Variants in TRIM13 observed in about 807,000 individuals in gnomAD.
TRIM13 encodes the protein E3 ubiquitin-protein ligase TRIM13.
Under a neutral mutation model 27.1 loss-of-function variants are expected in TRIM13, and 15 were observed. The observed-to-expected ratio is 0.55, with a 90% confidence interval of 0.37 to 0.85. The LOEUF is 0.85. TRIM13 is among the 40% of genes least tolerant of loss of function. The pLI, the probability that TRIM13 is intolerant of heterozygous loss-of-function variation, is 0.00. For missense variants in TRIM13, 402 were observed against 472.2 expected, an observed-to-expected ratio of 0.85 and a Z score of 1.38; for synonymous variants, 193 against 171.5, an observed-to-expected ratio of 1.13 and a Z score of -0.98.
Position 50,012,434 on chromosome 13 carries a change from A to G in TRIM13, c.494A>G (p.Glu165Gly). The change falls in exon 2 of 2, where the codon GAA becomes GGA. Residue 165 changes from glutamate to glycine, a missense_variant. Around this residue, in one of 2 missense-constraint regions of TRIM13, gnomAD observed 202 missense variants for 277.5 expected, o/e 0.73. Coordinates refer to ENST00000378182, the MANE Select transcript of TRIM13 (RefSeq NM_213590.3). ...GDALSRLDTL[E>G]TSKRKSLQLL... ...GCTCTTTCTCGCTTGGATACCTTGG[A>G]AACTAGTAAGAGGAAATCCCTACAG... 6.2e-7 allele frequency: 1 copy of G among 1,614,060 alleles called. No homozygotes were observed. Among genetic ancestry groups the G allele is most frequent in the Non-Finnish European group, 8.5e-7 (1 of 1,179,974 alleles).
At position 49,997,383 on chromosome 13, in the gene TRIM13, A is replaced by G. The variant is rs960757384; in HGVS notation, c.-387A>G. The G allele has an allele frequency of 1.3e-5, 2 of 152,250 alleles. No homozygotes were observed. Among genetic ancestry groups the G allele is most frequent in the African/African-American group, 4.8e-5 (2 of 41,400 alleles). The allele number at this position is 152,250 out of a possible 1,614,324, so 9.4% of individuals were successfully genotyped here. A position where few individuals can be genotyped will look rare whatever the true frequency, so the allele number is the denominator to read the frequency against. On this transcript the variant is annotated 5_prime_UTR_variant, in exon 1 of 2. Coordinates refer to ENST00000378182, the MANE Select transcript of TRIM13 (RefSeq NM_213590.3). ...GGTCCAGAAAACCTGCTCCGTCCGG[A>G]GCCTTCCTGGCCCCGCTACCAGCGT...
chr13:50,008,385 G>T (rs1386204622), intron 1 of TRIM13, among the ~76,000 whole-genome samples: 2 of 152,110 alleles, frequency 1.3e-5, no homozygotes, highest in Non-Finnish European at 2.9e-5. Context: ...TAAACTTGTG[G>T]CCTGATGCAG....
chr13:50,014,911 A>G lies in TRIM13; in HGVS notation c.*1747A>G, dbSNP rs1876180294. ...AAATGATTTCCTTCTAGCTATGAGA[A>G]TAGTCAAATTGAGCTTGCCAGGCTG... On this transcript the variant is annotated 3_prime_UTR_variant, in exon 2 of 2. Coordinates refer to ENST00000378182, the MANE Select transcript of TRIM13 (RefSeq NM_213590.3). 2 of 166,378 alleles carry G rather than the reference A, an allele frequency of 1.2e-5. No homozygotes were observed. Among genetic ancestry groups the G allele is most frequent in the Non-Finnish European group, 2.9e-5 (2 of 68,014 alleles). The allele number at this position is 166,378 out of a possible 1,614,324, so 10.3% of individuals were successfully genotyped here. A position where few individuals can be genotyped will look rare whatever the true frequency, so the allele number is the denominator to read the frequency against.
Position 50,013,886 on chromosome 13 carries a change from A to T in TRIM13, c.*722A>T. ...TTTGACAGTGAACATGGTCTAAAAA[A>T]GGGAAGATATTGTAGAAGATTTCAC... On this transcript the variant is annotated 3_prime_UTR_variant, in exon 2 of 2. Transcript: ENST00000378182. 1 of 166,948 alleles carries T rather than the reference A, an allele frequency of 6.0e-6. No homozygotes were observed. The allele number at this position is 166,948 out of a possible 1,614,324, so 10.3% of individuals were successfully genotyped here.
At chr13:50,004,791 A>G (rs1874467355) in intron 1 of TRIM13, among the ~76,000 whole-genome samples, 5 of 151,274 alleles carry the variant, frequency 3.3e-5, no homozygotes, top group Admixed American at 2.6e-4. Context: ...AAAAAAAAAA[A>G]AGGGCCAGGT....
At chr13:50,007,782 CAAAA>C (rs34741583) in intron 1 of TRIM13, among the ~76,000 whole-genome samples, 5 of 127,806 alleles carry the variant, frequency 3.9e-5, no homozygotes, top group East Asian at 2.7e-4. Context: ...GACTTAGTCT[CAAAA>C]AAAAAAAAAA....
chr13:50,015,092 AAAATATATATATATATATATATATATAT>A lies in TRIM13; in HGVS notation c.*1930_*1957del, dbSNP rs1368885617. On this transcript the variant is annotated 3_prime_UTR_variant, in exon 2 of 2. Transcript: ENST00000378182. ...CCCAGTAATAAAAAAAAAAAAAAAAAAAATATATATATATATATATATATATATATATATATATATATATATATATATA... is the reference window on the plus strand; with the variant it reads ...CCCAGTAATAAAAAAAAAAAAAAAAAATATATATATATATATATATATATA... 1.4e-3 allele frequency: 33 copies of A among 23,412 alleles called. 3 individuals are homozygous for A. The highest frequency in any genetic ancestry group is 4.0e-3 in the African/African-American group (24 of 5,954). 1.5% of individuals were successfully genotyped at this position (23,412 alleles called of 1,614,324 possible). A position where few individuals can be genotyped will look rare whatever the true frequency, so the allele number is the denominator to read the frequency against.
intron 1 of TRIM13, among the ~76,000 whole-genome samples, chr13:50,005,127 A>T (rs550728062): frequency 2.0e-5 from 3 of 152,142 alleles, no homozygotes; most frequent in Non-Finnish European, 4.4e-5. Flanking sequence ...GAGGGGATGT[A>T]TCCTTTTTTG....
rs1873358325 is a variant in TRIM13, at chr13:49,997,416, TCC to T, written c.-351_-350del. The T allele has an allele frequency of 6.6e-6, 1 of 152,036 alleles. No homozygotes were observed. The highest frequency in any genetic ancestry group is 2.4e-5 in the African/African-American group (1 of 41,400). The allele number at this position is 152,036 out of a possible 1,614,324, so 9.4% of individuals were successfully genotyped here. A position where few individuals can be genotyped will look rare whatever the true frequency, so the allele number is the denominator to read the frequency against. ...TGGCCCCGCTACCAGCGTCTCCACATCCCCTAGAAAAGAAAAGACGGGTGTGG... is the reference window on the plus strand; with the variant it reads ...TGGCCCCGCTACCAGCGTCTCCACATCCTAGAAAAGAAAAGACGGGTGTGG... On this transcript the variant is annotated 5_prime_UTR_variant, in exon 1 of 2. It removes the in-frame stop codon of an upstream open reading frame in the 5' UTR. Transcript: ENST00000378182.
At chr13:50,011,094 T>G (rs1199136771) in intron 1 of TRIM13, among the ~76,000 whole-genome samples, 1 of 152,230 alleles carries the variant, frequency 6.6e-6, no homozygotes, top group Non-Finnish European at 1.5e-5. Flanking sequence ...ATTCAGCGCT[T>G]CTTACAGCTT....
At position 50,013,006 on chromosome 13, in the gene TRIM13, T is replaced by C; in HGVS notation, c.1066T>C (p.Ser356Pro). The change falls in exon 2 of 2, where the codon TCC becomes CCC. Residue 356 changes from serine to proline, a missense_variant. Around this residue, in one of 2 missense-constraint regions of TRIM13, gnomAD observed 200 missense variants for 194.7 expected, o/e 1.03. Transcript: ENST00000378182. Reference protein sequence around the residue: ...TWKGCLSNFSSYLTKTADFIE... With the variant: ...TWKGCLSNFSPYLTKTADFIE... ...GAAAGGCTGTCTTTCAAACTTCAGT[T>C]CCTATCTGACTAAAACAGCCGATTT... is the stretch of plus-strand genomic sequence containing the variant. 8 of 1,613,976 alleles carry C rather than the reference T, an allele frequency of 5.0e-6. No homozygotes were observed. Among genetic ancestry groups the C allele is most frequent in the Non-Finnish European group, 6.8e-6 (8 of 1,179,968 alleles).
chr13:49,998,824 G>T (rs537498761), intron 1 of TRIM13, among the ~76,000 whole-genome samples: 29 of 151,630 alleles, frequency 1.9e-4, no homozygotes, highest in South Asian at 4.2e-4. Context: ...CCAGCTACTC[G>T]GGAGGCTGAG....
In TRIM13 at chr13:50,016,473, CACTA is replaced by C. The variant is rs1451569373; in HGVS notation, c.*3310_*3313del. The C allele has an allele frequency of 5.1e-6, 1 of 195,888 alleles. No homozygotes were observed. The highest frequency in any genetic ancestry group is 1.2e-5 in the Non-Finnish European group (1 of 86,374). The allele number at this position is 195,888 out of a possible 1,614,324, so 12.1% of individuals were successfully genotyped here. ...ACTGGTTTCTCTTGAGTTCCTTACA[CACTA>C]TATAAGTTGTTCTTTCAGTTTTATG... is the stretch of plus-strand genomic sequence containing the variant. On this transcript the variant is annotated 3_prime_UTR_variant, in exon 2 of 2. Transcript: ENST00000378182.
In TRIM13 at chr13:50,009,020, CAAAAAAA is replaced by C. The variant is rs35407149; in HGVS notation, c.-6-2898_-6-2892del. ...TCCAGCCTGGGTGAAAAAGCTGTCT[CAAAAAAA>C]AAAAAAAAAAAAAAAAGAGAATCCC... On this transcript the variant is annotated intron_variant, in intron 1 of 1. Transcript: ENST00000378182. 2.9e-3 allele frequency among the ~76,000 whole-genome samples: 194 copies of C among 68,066 alleles called. 3 individuals carry two copies. The highest frequency in any genetic ancestry group is 0.025 in the Admixed American group (135 of 5,448). 44.7% of individuals were successfully genotyped at this position (68,066 alleles called of 152,430 possible).
At chr13:50,008,543 C>T (rs1875115921) in intron 1 of TRIM13, among the ~76,000 whole-genome samples, 1 of 151,830 alleles carries the variant, frequency 6.6e-6, no homozygotes, top group Non-Finnish European at 1.5e-5. Flanking sequence ...GAATCTGAGG[C>T]AGGAGGATTG....
intron 1 of TRIM13, among the ~76,000 whole-genome samples, chr13:49,999,367 C>A (rs1395010992): frequency 6.6e-6 from 1 of 152,146 alleles, no homozygotes; most frequent in African/African-American, 2.4e-5. Context: ...AACCCGGAGA[C>A]CCTCTCTTGG....
At position 50,015,967 on chromosome 13, in the gene TRIM13, T is replaced by C. The variant is rs757391824; in HGVS notation, c.*2803T>C. 1 of 1,614,128 alleles carries C rather than the reference T, an allele frequency of 6.2e-7. No homozygotes were observed. On this transcript the variant is annotated 3_prime_UTR_variant, in exon 2 of 2. Transcript: ENST00000378182. ...CGACCTGGAATGGTAACTTTTTCCCTCCTCAGATGACCTTACTTCCACTGC... is the reference window on the plus strand; with the variant it reads ...CGACCTGGAATGGTAACTTTTTCCCCCCTCAGATGACCTTACTTCCACTGC...
chr13:50,007,786 A>C (rs35937141), intron 1 of TRIM13, among the ~76,000 whole-genome samples: 75,928 of 140,474 alleles, frequency 0.54, 22,180 homozygotes, highest in Non-Finnish European at 0.71. Flanking sequence ...TAGTCTCAAA[A>C]AAAAAAAAAA....
At position 49,997,448 on chromosome 13, in the gene TRIM13, T is replaced by G. The variant is rs923560105; in HGVS notation, c.-322T>G. ...GAAAAGAAAAGACGGGTGTGGGCCT[T>G]AGGTTACAGCGCGCCGCCAGCGTTT... On this transcript the variant is annotated 5_prime_UTR_variant, in exon 1 of 2. Transcript: ENST00000378182. The G allele has an allele frequency of 3.9e-5, 6 of 152,080 alleles. No homozygotes were observed. Among genetic ancestry groups the G allele is most frequent in the Admixed American group, 2.6e-4 (4 of 15,268 alleles). The allele number at this position is 152,080 out of a possible 1,614,324, so 9.4% of individuals were successfully genotyped here. A position where few individuals can be genotyped will look rare whatever the true frequency, so the allele number is the denominator to read the frequency against.
Sources: gnomAD v4.1 joint callset for allele counts (sites outside exome capture counted in the v4.1 genomes callset) on GRCh38, gnomAD v4.1.1 for gene constraint, gnomAD v4.1.1 regional missense constraint, MANE v1.5 for transcripts, NCBI Gene and HGNC (gene_info 2026-07-23, HGNC 2026-07-21) for gene names.